The following MEI4 variants were observed in gnomAD, a reference collection of about 807,000 sequenced individuals.
MEI4 encodes meiosis-specific protein MEI4.
A neutral mutation model predicts 31.4 loss-of-function variants in MEI4; 27 were observed. That is an observed-to-expected ratio of 0.86 (90% CI 0.63 to 1.19). MEI4 has a LOEUF of 1.19. MEI4 is among the 50% of genes most tolerant of loss of function. The pLI, the probability that MEI4 is intolerant of heterozygous loss-of-function variation, is 0.00. For synonymous variants in MEI4, 122 were observed against 145.4 expected, an observed-to-expected ratio of 0.84 and a Z score of 1.16; for missense variants, 329 against 398.9, an observed-to-expected ratio of 0.82 and a Z score of 1.49.
At chr6:77,786,600 A>G (rs1768742326) in intron 3 of MEI4, among the ~76,000 whole-genome samples, 2 of 152,154 alleles carry the variant, frequency 1.3e-5, no homozygotes, top group South Asian at 4.1e-4. Flanking sequence ...AATAAGGCTT[A>G]GAAGGGGAGA....
intron 3 of MEI4, among the ~76,000 whole-genome samples, chr6:77,821,133 TTC>T (rs1387056351): frequency 6.6e-6 from 1 of 152,108 alleles, no homozygotes; most frequent in East Asian, 1.9e-4. Flanking sequence ...ATGTTTTTCT[TTC>T]TTTTTTGGTA....
At chr6:77,858,617 GGCCTTTCAAGGACT>G (rs1242306179) in intron 4 of MEI4, among the ~76,000 whole-genome samples, 4 of 151,900 alleles carry the variant, frequency 2.6e-5, no homozygotes, top group Non-Finnish European at 1.5e-5. Flanking sequence ...AATTTAAGGT[GGCCTTTCAAGGACT>G]GCAGTTAGGA....
At chr6:77,711,985 A>G (rs1330114987) in intron 2 of MEI4, among the ~76,000 whole-genome samples, 2 of 152,174 alleles carry the variant, frequency 1.3e-5, no homozygotes, top group African/African-American at 4.8e-5. Flanking sequence ...TGATTAGTTA[A>G]AATGCCTTTT....
chr6:77,756,092 T>C (rs2127680281), intron 2 of MEI4, among the ~76,000 whole-genome samples: 1 of 152,232 alleles, frequency 6.6e-6, no homozygotes, highest in African/African-American at 2.4e-5. Flanking sequence ...TCTAACTCAG[T>C]CATACAAGCA....
At chr6:77,827,320 C>G (rs1240406660) in intron 3 of MEI4, among the ~76,000 whole-genome samples, 1 of 145,528 alleles carries the variant, frequency 6.9e-6, no homozygotes, top group Non-Finnish European at 1.5e-5. Context: ...GAGATCCCGC[C>G]ACTGCACTCC....
At chr6:77,829,760 A>G (rs1160536072) in intron 4 of MEI4, among the ~76,000 whole-genome samples, 1 of 152,192 alleles carries the variant, frequency 6.6e-6, no homozygotes, top group Non-Finnish European at 1.5e-5. Context: ...CTGTAGTCAA[A>G]GTCACAATTA....
intron 3 of MEI4, among the ~76,000 whole-genome samples, chr6:77,827,709 T>C (rs1037220658): frequency 1.3e-5 from 2 of 152,200 alleles, no homozygotes; most frequent in Admixed American, 6.5e-5. Context: ...TATAATATTG[T>C]TGTCAGTCTT....
In MEI4 at chr6:77,923,457, C is replaced by T; in HGVS notation, c.*111C>T. ...TTTTAATTAGCATTTTAGAATTGATCTCTAAATATAATTATCAATTCAACT... is the reference window on the plus strand; with the variant it reads ...TTTTAATTAGCATTTTAGAATTGATTTCTAAATATAATTATCAATTCAACT... On this transcript the variant is annotated 3_prime_UTR_variant, in exon 5 of 5. Coordinates refer to ENST00000684080, the MANE Select transcript of MEI4 (RefSeq NM_001322247.2). 2.4e-6 allele frequency: 2 copies of T among 838,350 alleles called. No homozygotes were observed. Among genetic ancestry groups the T allele is most frequent in the Non-Finnish European group, 3.2e-6 (2 of 631,386 alleles). 51.9% of individuals were successfully genotyped at this position (838,350 alleles called of 1,614,324 possible).
chr6:77,833,033 A>G (rs1770122821), intron 4 of MEI4, among the ~76,000 whole-genome samples: 1 of 152,098 alleles, frequency 6.6e-6, no homozygotes, highest in Non-Finnish European at 1.5e-5. Flanking sequence ...TACTTATGCA[A>G]TGTTGAAGAT....
chr6:77,812,466 A>C (rs1769596541), intron 3 of MEI4, among the ~76,000 whole-genome samples: 1 of 152,126 alleles, frequency 6.6e-6, no homozygotes, highest in African/African-American at 2.4e-5. Flanking sequence ...TTGAAAGAGA[A>C]ACTAGAAAGA....
intron 2 of MEI4, among the ~76,000 whole-genome samples, chr6:77,732,413 G>A (rs968235534): frequency 8.6e-5 from 13 of 152,020 alleles, no homozygotes; most frequent in African/African-American, 2.4e-4. Context: ...GTTCACTCAT[G>A]ATTTGGCTCT....
intron 3 of MEI4, among the ~76,000 whole-genome samples, chr6:77,770,790 A>C (rs982430790): frequency 6.6e-6 from 1 of 152,084 alleles, no homozygotes; most frequent in Non-Finnish European, 1.5e-5. Context: ...GACGGACCAA[A>C]AACCTAAATG....
At chr6:77,826,476 G>T (rs908564475) in intron 3 of MEI4, among the ~76,000 whole-genome samples, 1 of 152,112 alleles carries the variant, frequency 6.6e-6, no homozygotes, top group Non-Finnish European at 1.5e-5. Flanking sequence ...ACTTAGATCA[G>T]CTGGAGATCT....
At chr6:77,685,969 G>A (rs963496317) in intron 1 of MEI4, among the ~76,000 whole-genome samples, 2 of 148,814 alleles carry the variant, frequency 1.3e-5, no homozygotes. Flanking sequence ...AGGTGTTTGG[G>A]TCATGGGGAC....
rs977230773 is a variant in MEI4 at position 77,847,485 on chromosome 6, TC to T, written c.900+18424del. Among the ~76,000 whole-genome samples the T allele has an allele frequency of 6.6e-6, 1 of 152,180 alleles. No homozygotes were observed. The highest frequency in any genetic ancestry group is 1.5e-5 in the Non-Finnish European group (1 of 68,034). ...AGAAGTCAGCAGAGTCATTTCAGTG[TC>T]ATGAGAAAATATCAAATGCATTTCA... On this transcript the variant is annotated intron_variant, in intron 4 of 4. Transcript: ENST00000684080. The surrounding 1 kb of genome is among the most constrained non-coding windows in gnomAD (Gnocchi z 4.6).
At chr6:77,892,099 G>A (rs991281254) in intron 4 of MEI4, among the ~76,000 whole-genome samples, 1 of 152,186 alleles carries the variant, frequency 6.6e-6, no homozygotes, top group Non-Finnish European at 1.5e-5. Context: ...TATTGCTTGT[G>A]TGTTGTCAGT....
chr6:77,727,412 C>G (rs1205264684), intron 2 of MEI4, among the ~76,000 whole-genome samples: 2 of 152,126 alleles, frequency 1.3e-5, no homozygotes, highest in African/African-American at 2.4e-5. Context: ...TTGGCAAAGG[C>G]TAAGTTATTT....
At chr6:77,716,742 AT>A in intron 2 of MEI4, 1 of 269,508 alleles carries the variant, frequency 3.7e-6, no homozygotes, top group East Asian at 1.8e-4. Context: ...GAGAATGTAT[AT>A]TTTTAAAATT....
chr6:77,818,910 G>A (rs962720739), intron 3 of MEI4, among the ~76,000 whole-genome samples: 6 of 151,544 alleles, frequency 4.0e-5, no homozygotes, highest in Non-Finnish European at 7.4e-5. Context: ...TTTTTTATTT[G>A]TATGTTTTGT....
Sources: gnomAD v4.1 joint callset for allele counts (sites outside exome capture counted in the v4.1 genomes callset) on GRCh38, gnomAD v4.1.1 for gene constraint, Gnocchi (gnomAD v3.1) non-coding constraint, MANE v1.5 for transcripts, NCBI Gene and HGNC (gene_info 2026-07-23, HGNC 2026-07-21) for gene names.